Variants in DSCAM observed in about 807,000 individuals in gnomAD.
DSCAM encodes the protein cell adhesion molecule DSCAM.
A neutral mutation model predicts 217.7 loss-of-function variants in DSCAM; 47 were observed. The observed-to-expected ratio is 0.22, with a 90% CI of 0.17 to 0.28. DSCAM has a LOEUF of 0.28. DSCAM is among the 10% of genes least tolerant of loss of function. The probability of loss-of-function intolerance (pLI) is 1.00; values close to 1 mark genes in which losing one functional copy is unlikely to be tolerated. For missense variants in DSCAM, 2,080 were observed against 2,618.3 expected, an observed-to-expected ratio of 0.79 and a Z score of 4.49; for synonymous variants, 1,056 against 1,015.3, an observed-to-expected ratio of 1.04 and a Z score of -0.76.
rs147657430 is a variant in DSCAM at position 40,094,304 on chromosome 21, T to C, written c.3697-430A>G. Among the ~76,000 whole-genome samples, 874 of 152,218 alleles carry C rather than the reference T, an allele frequency of 5.7e-3. 11 individuals carry two copies. The highest frequency in any genetic ancestry group is 0.02 in the African/African-American group (850 of 41,516). ...GAAGAAAACCCCACAATCGCAGAGA[T>C]TTTGCAATTTGTAGGGCAGTGTAAA... On this transcript the variant is annotated intron_variant, in intron 20 of 32. Transcript: ENST00000400454.
intron 3 of DSCAM, among the ~76,000 whole-genome samples, chr21:40,592,005 A>C (rs772469991): frequency 1.3e-5 from 2 of 152,180 alleles, no homozygotes; most frequent in Non-Finnish European, 2.9e-5. Context: ...GGCATTCAGA[A>C]TTGCTAAATG....
chr21:40,718,486 A>G (rs2090867251), intron 1 of DSCAM, among the ~76,000 whole-genome samples: 1 of 152,210 alleles, frequency 6.6e-6, no homozygotes, highest in South Asian at 2.1e-4. Context: ...CACGTCTTAC[A>G]TGGTTGGCAG....
In DSCAM at chr21:40,737,501, C is replaced by A. The variant is rs539678933; in HGVS notation, c.44-28730G>T. Among the ~76,000 whole-genome samples, 137 of 152,226 alleles carry A rather than the reference C, an allele frequency of 9.0e-4. 1 individual carries two copies. Among genetic ancestry groups the A allele is most frequent in the Admixed American group, 8.9e-3 (136 of 15,294 alleles). ...AAAAAAAATACAAAAATTAGCTGGG[C>A]ATAGTGGCAGGTGCCTATAATCCCA... On this transcript the variant is annotated intron_variant, in intron 1 of 32. Transcript: ENST00000400454.
chr21:40,410,198 T>G (rs888349746), intron 3 of DSCAM, among the ~76,000 whole-genome samples: 1 of 151,948 alleles, frequency 6.6e-6, no homozygotes, highest in Non-Finnish European at 1.5e-5. Flanking sequence ...GATAAGAAAT[T>G]TAATATCTGA....
intron 1 of DSCAM, among the ~76,000 whole-genome samples, chr21:40,728,156 C>CA (rs1226306365): frequency 1.3e-5 from 2 of 152,170 alleles, no homozygotes; most frequent in African/African-American, 4.8e-5. Flanking sequence ...TGCACTCGAT[C>CA]ATTTACCTAT....
At chr21:40,840,808 A>G (rs2092094998) in intron 1 of DSCAM, among the ~76,000 whole-genome samples, 1 of 152,132 alleles carries the variant, frequency 6.6e-6, no homozygotes, top group African/African-American at 2.4e-5. Flanking sequence ...AAAGCAAACT[A>G]AGAGGGGGAG....
intron 15 of DSCAM, among the ~76,000 whole-genome samples, chr21:40,174,281 T>C (rs1040025336): frequency 1.3e-5 from 2 of 152,180 alleles, no homozygotes; most frequent in African/African-American, 2.4e-5. Context: ...ATGATAACGC[T>C]TTATGCACTT....
chr21:40,123,067 T>C (rs1337568314), intron 20 of DSCAM, among the ~76,000 whole-genome samples: 2 of 152,180 alleles, frequency 1.3e-5, no homozygotes, highest in Admixed American at 6.5e-5. Context: ...GCTATATCAT[T>C]CCACATGCAT....
intron 8 of DSCAM, among the ~76,000 whole-genome samples, chr21:40,323,718 C>T (rs2074285539): frequency 6.6e-6 from 1 of 152,174 alleles, no homozygotes; most frequent in Non-Finnish European, 1.5e-5. Context: ...GCTAACTTTT[C>T]TACAATGATT....
intron 8 of DSCAM, among the ~76,000 whole-genome samples, chr21:40,324,451 T>C (rs892033715): frequency 6.6e-6 from 1 of 152,152 alleles, no homozygotes; most frequent in Non-Finnish European, 1.5e-5. Flanking sequence ...TGCAATATTG[T>C]CAACCAGATG....
intron 3 of DSCAM, among the ~76,000 whole-genome samples, chr21:40,527,099 A>T (rs1247321714): frequency 6.6e-6 from 1 of 151,970 alleles, no homozygotes; most frequent in African/African-American, 2.4e-5. Flanking sequence ...GTTAAGCTCC[A>T]TTTTTCTCTG....
At chr21:40,218,509 T>G (rs762749092) in intron 11 of DSCAM, among the ~76,000 whole-genome samples, 10 of 152,170 alleles carry the variant, frequency 6.6e-5, no homozygotes, top group Non-Finnish European at 1.3e-4. Context: ...TTTCAAAAAT[T>G]TTTTTCTAGT....
At chr21:40,161,269 C>T (rs904007433) in intron 16 of DSCAM, among the ~76,000 whole-genome samples, 1 of 152,082 alleles carries the variant, frequency 6.6e-6, no homozygotes, top group Admixed American at 6.5e-5. Context: ...AGAGGAGTAA[C>T]CCAATGTATA....
At chr21:40,771,585 C>T (rs1162223845) in intron 1 of DSCAM, among the ~76,000 whole-genome samples, 2 of 152,226 alleles carry the variant, frequency 1.3e-5, no homozygotes, top group African/African-American at 4.8e-5. Flanking sequence ...CCGGAACTCA[C>T]TCACTCTGCC....
At chr21:40,026,901 G>T (rs1307640491) in intron 32 of DSCAM, among the ~76,000 whole-genome samples, 1 of 152,304 alleles carries the variant, frequency 6.6e-6, no homozygotes. Flanking sequence ...TGTTATGTGT[G>T]TATTTGATCC....
At chr21:40,776,220 T>C (rs2091487158) in intron 1 of DSCAM, among the ~76,000 whole-genome samples, 1 of 152,188 alleles carries the variant, frequency 6.6e-6, no homozygotes, top group Non-Finnish European at 1.5e-5. Flanking sequence ...TAATTTTTTA[T>C]ATTATTTCTT....
intron 3 of DSCAM, among the ~76,000 whole-genome samples, chr21:40,455,337 C>T (rs12482112): frequency 0.089 from 13,490 of 151,098 alleles, 792 homozygotes; most frequent in Middle Eastern, 0.17. Context: ...GAAGTTCAGA[C>T]GAGAGAAAGA....
At chr21:40,829,600 G>A (rs974551020) in intron 1 of DSCAM, among the ~76,000 whole-genome samples, 8 of 152,224 alleles carry the variant, frequency 5.3e-5, no homozygotes, top group African/African-American at 1.9e-4. Context: ...CAGAGGAAAA[G>A]CAAGTTGGCG....
chr21:40,226,972 T>C (rs2091338964), intron 11 of DSCAM, among the ~76,000 whole-genome samples: 1 of 152,146 alleles, frequency 6.6e-6, no homozygotes, highest in African/African-American at 2.4e-5. Context: ...CCTCATATAG[T>C]TCCCACTTGT....
Sources: gnomAD v4.1 joint callset for allele counts (sites outside exome capture counted in the v4.1 genomes callset) on GRCh38, gnomAD v4.1.1 for gene constraint, MANE v1.5 for transcripts, NCBI Gene and HGNC (gene_info 2026-07-23, HGNC 2026-07-21) for gene names.